XIRP1: variants seen among roughly 807,000 people sequenced by gnomAD.
The protein encoded by XIRP1 is xin actin-binding repeat-containing protein 1.
For synonymous variants in XIRP1, 984 were observed against 947.0 expected (o/e 1.04, Z -0.72); for missense variants, 2,378 against 2,345.4 (o/e 1.01, Z -0.29).
Position 39,184,470 on chromosome 3 carries a change from A to T in XIRP1, c.4976T>A (p.Val1659Asp), listed in dbSNP as rs577771428. ...TSREYLCPPR[V>D]LPSSRDSPSS... ...GGGAGAATCTCGGCTGGAAGGTAAA[A>T]CCCGAGGAGGGCACAAATACTCTCT... The change falls in exon 2 of 2, where the codon GTT becomes GAT. Residue 1659 changes from valine to aspartate, a missense_variant. By Grantham distance (152) the Val-to-Asp change is radical (BLOSUM62 -3). Coordinates refer to ENST00000340369, the MANE Select transcript of XIRP1 (RefSeq NM_194293.4). 15 of 1,614,050 alleles carry T rather than the reference A, an allele frequency of 9.3e-6. No homozygotes were observed. The East Asian group carries it at 2.7e-4, about 29-fold the overall frequency.
Position 39,186,934 on chromosome 3 carries a change from G to T in XIRP1, c.2512C>A (p.Pro838Thr), listed in dbSNP as rs768754588. 31 of 1,613,660 alleles carry T rather than the reference G, an allele frequency of 1.9e-5. No homozygotes were observed. Among genetic ancestry groups the T allele is most frequent in the Non-Finnish European group, 2.5e-5 (29 of 1,179,734 alleles). Residue 838 changes from proline (P) to threonine (T), a missense_variant, in exon 2 of 2, where the codon CCA (proline) becomes ACA (threonine). Pro to Thr is a conservative substitution (Grantham distance 38). Transcript: ENST00000340369. ...PRIICQVLRR[P>T]DVDQQGLLVQ... The stretch of plus-strand genomic sequence containing the variant: ...AGCAGCCCCTGCTGGTCCACATCTG[G>T]CCGGCGCAGGACTTGGCAGATGATC...
chr3:39,187,811 C>A lies in XIRP1; in HGVS notation c.1635G>T (p.Gly545=). The change falls in exon 2 of 2, where the codon GGG becomes GGT. Residue 545 remains glycine, a synonymous_variant. Coordinates refer to ENST00000340369, the MANE Select transcript of XIRP1 (RefSeq NM_194293.4). The part of the protein sequence containing the change: ...RGITRQEVVA[G]DVGTARWLFE... Reference sequence around the variant, plus strand: ...AAAGCCACCGAGCTGTGCCAACGTCCCCAGCCACCACTTCCTGCCGGGTGA... The same window carrying A: ...AAAGCCACCGAGCTGTGCCAACGTCACCAGCCACCACTTCCTGCCGGGTGA... 1 of 1,614,120 alleles carries A rather than the reference C, an allele frequency of 6.2e-7. No homozygotes were observed. Among genetic ancestry groups the A allele is most frequent in the Non-Finnish European group, 8.5e-7 (1 of 1,180,026 alleles).
At position 39,188,771 on chromosome 3, in the gene XIRP1, C is replaced by G. The variant is rs768367653; in HGVS notation, c.675G>C (p.Lys225Asn). 3 of 1,613,596 alleles carry G rather than the reference C, an allele frequency of 1.9e-6. No homozygotes were observed. In the East Asian group the frequency reaches 6.7e-5, roughly 36 times the overall value. The change falls in exon 2 of 2, where the codon AAG (lysine) becomes AAC (asparagine). Residue 225 changes from lysine to asparagine, a missense_variant. Physicochemically the swap from Lys to Asn is moderately conservative, Grantham distance 94. Transcript: ENST00000340369. ...GCTTCACTGTCTTTTTCACATCACC[C>G]TTCAGCTCCTGGATCTCTGAGCGCA... ...LELRSEIQEL[K>N]GDVKKTVKLF...
In XIRP1 at chr3:39,186,284, G is replaced by T. The variant is rs1468414726; in HGVS notation, c.3162C>A (p.Ala1054=). 1.2e-6 allele frequency: 2 copies of T among 1,613,776 alleles called. No homozygotes were observed. The highest frequency in any genetic ancestry group is 1.7e-6 in the Non-Finnish European group (2 of 1,179,914). ...CTGTTGCCATCCGCAGACTCTGCATGGCGGCCAGGAGGTCTGGGGCCCCAG... is the reference window on the plus strand; with the variant it reads ...CTGTTGCCATCCGCAGACTCTGCATTGCGGCCAGGAGGTCTGGGGCCCCAG... The part of the protein sequence containing the change: ...PGPGAPDLLA[A]MQSLRMATAE... The change falls in exon 2 of 2, where the codon GCC becomes GCA. Residue 1054 remains alanine (A), a synonymous_variant. Coordinates refer to ENST00000340369, the MANE Select transcript of XIRP1 (RefSeq NM_194293.4).
rs148751484 is a variant in XIRP1 at position 39,188,573 on chromosome 3, G to A, written c.873C>T (p.Ile291=). 310 of 1,613,066 alleles carry A rather than the reference G, an allele frequency of 1.9e-4. 1 individual carries two copies. The highest frequency in any genetic ancestry group is 2.5e-4 in the Non-Finnish European group (298 of 1,179,352). ...INQDPSQVRV[I]RGISLEEGAR... ...CCCCCTCCTCCAGGGAAATCCCCCG[G>A]ATCACCCGCACCTGGCTGGGGTCCT... Residue 291 remains isoleucine, a synonymous_variant, in exon 2 of 2, where the codon ATC becomes ATT. Transcript: ENST00000340369.
Position 39,187,372 on chromosome 3 carries a change from G to A in XIRP1, c.2074C>T (p.Gln692Ter), listed in dbSNP as rs1559750515. The change falls in exon 2 of 2, where the codon CAG becomes TAG. Residue 692 changes from glutamine (Q) to a stop codon, truncating the protein, a stop_gained. Coordinates refer to ENST00000340369, the MANE Select transcript of XIRP1 (RefSeq NM_194293.4). LOFTEE classifies it low-confidence loss of function (END_TRUNC). ...YCSRVEIPSGQVSRQKEVFQA... is the reference protein window; with the variant it reads ...YCSRVEIPSG ...AAAACCTCTTTCTGACGAGACACCT[G>A]CCCTGAAGGGATCTCCACGCGGCTG... 6.2e-7 allele frequency: 1 copy of A among 1,613,912 alleles called. No individual in the cohort carries two copies. Among genetic ancestry groups the A allele is most frequent in the East Asian group, 2.2e-5 (1 of 44,870 alleles).
In XIRP1 at chr3:39,189,227, C is replaced by G. The variant is rs1271127619; in HGVS notation, c.219G>C (p.Val73=). ...PELRKNLAEA[V]AEDLAEVLGS... is the part of the protein sequence containing the mutation. ...CCAGGACCTCAGCCAGATCCTCGGCCACAGCCTCAGCCAGATTCTTGCGGA... is the reference window on the plus strand; with the variant it reads ...CCAGGACCTCAGCCAGATCCTCGGCGACAGCCTCAGCCAGATTCTTGCGGA... Residue 73 remains valine, a synonymous_variant, in exon 2 of 2, where the codon GTG becomes GTC. Coordinates refer to ENST00000340369, the MANE Select transcript of XIRP1 (RefSeq NM_194293.4). 3 of 1,614,074 alleles carry G rather than the reference C, an allele frequency of 1.9e-6. No individual in the cohort carries two copies. Among genetic ancestry groups the G allele is most frequent in the Non-Finnish European group, 2.5e-6 (3 of 1,180,048 alleles).
At position 39,189,420 on chromosome 3, in the gene XIRP1, GC is replaced by G; in HGVS notation, c.25del (p.Ala9ProfsTer6). On this transcript the variant is annotated frameshift_variant, in exon 2 of 2. Coordinates refer to ENST00000340369, the MANE Select transcript of XIRP1 (RefSeq NM_194293.4). LOFTEE classifies it low-confidence loss of function (END_TRUNC). MADTQTQV[A>X]PTPTMRMATA... ...TGCCATCCTCATGGTTGGTGTGGGGGCCACCTGTGTCTGGGTGTCGGCCATC... is the reference window on the plus strand; with the variant it reads ...TGCCATCCTCATGGTTGGTGTGGGGGCACCTGTGTCTGGGTGTCGGCCATC... The G allele has an allele frequency of 6.2e-7, 1 of 1,601,180 alleles. No individual in the cohort carries two copies. Among genetic ancestry groups the G allele is most frequent in the African/African-American group, 1.3e-5 (1 of 74,818 alleles).
chr3:39,189,362 TG>T lies in XIRP1; in HGVS notation c.83del (p.Pro28GlnfsTer141). ...GCGGCAGTGGCAGGTCCTCCAGGGC[TG>T]GGGGTGGAGGGAGGGGCAGGTCCTC... The part of the protein sequence containing the change: ...TAEDLPLPPP[P>X]ALEDLPLPPP... On this transcript the variant is annotated frameshift_variant, in exon 2 of 2. Coordinates refer to ENST00000340369, the MANE Select transcript of XIRP1 (RefSeq NM_194293.4). LOFTEE classifies it low-confidence loss of function (END_TRUNC). 1 of 1,062,088 alleles carries T rather than the reference TG, an allele frequency of 9.4e-7. No individual in the cohort carries two copies. The highest frequency in any genetic ancestry group is 1.3e-5 in the South Asian group (1 of 74,094). The allele number at this position is 1,062,088 out of a possible 1,614,324, so 65.8% of individuals were successfully genotyped here.
In XIRP1 at chr3:39,185,359, G is replaced by A. The variant is rs370914495; in HGVS notation, c.4087C>T (p.Arg1363Ter). 1.5e-5 allele frequency: 25 copies of A among 1,614,224 alleles called. No homozygotes were observed. The highest frequency in any genetic ancestry group is 6.7e-5 in the African/African-American group (5 of 75,064). The change falls in exon 2 of 2, where the codon CGA becomes TGA. Residue 1363 changes from arginine (R) to a stop codon, truncating the protein, a stop_gained. Coordinates refer to ENST00000340369, the MANE Select transcript of XIRP1 (RefSeq NM_194293.4). LOFTEE classifies it low-confidence loss of function (END_TRUNC). ...SSEVGQREHQ[R>*]GERDTAIPQP... ...GGGATGGCTGTATCTCTCTCACCTC[G>A]TTGGTGTTCTCTTTGCCCCACCTCC...
In XIRP1 at chr3:39,184,567, T is replaced by C; in HGVS notation, c.4879A>G (p.Ile1627Val). The change falls in exon 2 of 2, where the codon ATC (isoleucine) becomes GTC (valine). Residue 1627 changes from isoleucine (I) to valine (V), a missense_variant. Transcript: ENST00000340369. ...CHTEAQSQVK[I>V]RNHTEARGHT... is the part of the protein sequence containing the mutation. ...CCTCTGGCCTCTGTGTGATTTCTGA[T>C]CTTGACTTGACTCTGGGCCTCAGTG... is the stretch of plus-strand genomic sequence containing the variant. The C allele has an allele frequency of 4.3e-6, 7 of 1,613,970 alleles. No homozygotes were observed. Among genetic ancestry groups the C allele is most frequent in the Middle Eastern group, 1.6e-4 (1 of 6,062 alleles).
rs767061742 is a variant in XIRP1, at chr3:39,187,729, C to T, written c.1717G>A (p.Glu573Lys). ...HQREQQERQK[E>K]EGKSQGDPQP... The stretch of plus-strand genomic sequence containing the variant: ...GGGTCTCCCTGACTCTTCCCTTCTT[C>T]TTTCTGTCGTTCCTGCTGCTCCCGT... The change falls in exon 2 of 2, where the codon GAA (glutamate) becomes AAA (lysine). Residue 573 changes from glutamate to lysine, a missense_variant. Glu to Lys is a moderately conservative substitution (Grantham distance 56, BLOSUM62 1). Coordinates refer to ENST00000340369, the MANE Select transcript of XIRP1 (RefSeq NM_194293.4). The T allele has an allele frequency of 1.2e-6, 2 of 1,614,126 alleles. No homozygotes were observed. The highest frequency in any genetic ancestry group is 3.3e-5 in the Admixed American group (2 of 60,036).
Position 39,187,841 on chromosome 3 carries a change from C to G in XIRP1, c.1605G>C (p.Arg535=). The G allele has an allele frequency of 1.2e-6, 2 of 1,614,172 alleles. No homozygotes were observed. Among genetic ancestry groups the G allele is most frequent in the Non-Finnish European group, 1.7e-6 (2 of 1,180,038 alleles). ...CCACCACTTCCTGCCGGGTGATGCC[C>G]CGCACCACGTCGATGGTACTGGGGC... ...GRSPSTIDVV[R]GITRQEVVAG... is the part of the protein sequence containing the mutation. Residue 535 remains arginine, a synonymous_variant, in exon 2 of 2, where the codon CGG becomes CGC. Transcript: ENST00000340369.
intron 1 of XIRP1, among the ~76,000 whole-genome samples, chr3:39,191,368 C>G (rs1304470034): frequency 1.3e-5 from 2 of 150,804 alleles, no homozygotes; most frequent in African/African-American, 2.4e-5. Flanking sequence ...CCCACCCCCG[C>G]CCCCAGGAAT....
intron 1 of XIRP1, among the ~76,000 whole-genome samples, chr3:39,191,532 C>A (rs887806414): frequency 6.6e-6 from 1 of 152,222 alleles, no homozygotes; most frequent in Non-Finnish European, 1.5e-5. Context: ...TCCAAGGAGG[C>A]TCAGCAAGGC....
intron 1 of XIRP1, 24 bp from the exon 2 acceptor site, chr3:39,189,549 G>A: frequency 9.4e-6 from 14 of 1,494,378 alleles, no homozygotes; most frequent in Non-Finnish European, 1.2e-5. Flanking sequence ...TAGTAAACAG[G>A]GCTCAGAGTC....
Position 39,187,448 on chromosome 3 carries a change from C to CT in XIRP1, c.1997dup (p.Pro667AlafsTer67). 6.2e-7 allele frequency: 1 copy of CT among 1,614,158 alleles called. No individual in the cohort carries two copies. The highest frequency in any genetic ancestry group is 8.5e-7 in the Non-Finnish European group (1 of 1,180,056). ...AGGGACGGCCTGAGGCCTGAAGAGG[C>CT]TCGGTCTCAAAGACGTGTCTGTCTG... is the stretch of plus-strand genomic sequence containing the variant. On this transcript the variant is annotated frameshift_variant, in exon 2 of 2. Transcript: ENST00000340369. LOFTEE classifies it low-confidence loss of function (END_TRUNC).
Position 39,186,633 on chromosome 3 carries a change from A to G in XIRP1, c.2813T>C (p.Leu938Pro), listed in dbSNP as rs749827743. The change falls in exon 2 of 2, where the codon CTG becomes CCG. Residue 938 changes from leucine (L) to proline (P), a missense_variant. Physicochemically the swap from Leu to Pro is moderately conservative, Grantham distance 98 (BLOSUM62 -3). Coordinates refer to ENST00000340369, the MANE Select transcript of XIRP1 (RefSeq NM_194293.4). ...LLASCIDKGD[L>P]SGLHSLRWEP... is the part of the protein sequence containing the mutation. ...CCACCGCAGACTGTGCAGGCCACTC[A>G]GGTCTCCTTTATCTATGCAGCTGGC... 7 of 1,611,408 alleles carry G rather than the reference A, an allele frequency of 4.3e-6. No homozygotes were observed. In the Admixed American group the frequency reaches 1.2e-4, roughly 27 times the overall value.
In XIRP1 at chr3:39,186,976, AC is replaced by A. The variant is rs2039990421; in HGVS notation, c.2469del (p.Ser824GlnfsTer37). 6.2e-7 allele frequency: 1 copy of A among 1,605,836 alleles called. No homozygotes were observed. Among genetic ancestry groups the A allele is most frequent in the African/African-American group, 1.3e-5 (1 of 74,728 alleles). The stretch of plus-strand genomic sequence containing the variant: ...CAGATGATCCTGGGAAGTTCACCTG[AC>A]ACCAGCTCCTCCTTTCGTATATAAG... ...GHPYIRKEEL[V>X]SGELPRIICQ... On this transcript the variant is annotated frameshift_variant, in exon 2 of 2. Coordinates refer to ENST00000340369, the MANE Select transcript of XIRP1 (RefSeq NM_194293.4). LOFTEE classifies it low-confidence loss of function (END_TRUNC).
Sources: gnomAD v4.1 joint callset for allele counts (sites outside exome capture counted in the v4.1 genomes callset) on GRCh38, gnomAD v4.1.1 for gene constraint, MANE v1.5 for transcripts, NCBI Gene and HGNC (gene_info 2026-07-23, HGNC 2026-07-21) for gene names.